DKK4: variants seen among roughly 807,000 people sequenced by gnomAD.
The protein encoded by DKK4 is dickkopf-related protein 4.
DKK4 carries 15 observed loss-of-function variants against 14.5 expected under a neutral mutation model. The observed-to-expected ratio is 1.03, with a 90% confidence interval of 0.69 to 1.59. The LOEUF is 1.59. Among genes scored for constraint, DKK4 ranks in the 40% most tolerant of loss-of-function variants. The probability of loss-of-function intolerance (pLI) is 0.00; values close to 1 mark genes in which losing one functional copy is unlikely to be tolerated. For synonymous variants in DKK4, 89 were observed against 105.2 expected, an observed-to-expected ratio of 0.85 and a Z score of 0.94; for missense variants, 272 against 280.3, an observed-to-expected ratio of 0.97 and a Z score of 0.21.
the DKK4 span, among the ~76,000 whole-genome samples, chr8:42,382,324 A>C: frequency 6.6e-6 from 1 of 152,344 alleles, no homozygotes; most frequent in East Asian, 1.9e-4. Context: ...AATGCCAACA[A>C]CTGAAATGAG....
chr8:42,375,788 A>C lies in DKK4; in HGVS notation c.154T>G (p.Phe52Val), dbSNP rs1824549119. 1 of 1,614,044 alleles carries C rather than the reference A, an allele frequency of 6.2e-7. No individual in the cohort carries two copies. Residue 52 changes from phenylalanine (F) to valine (V), a missense_variant, in exon 2 of 4, where the codon TTC (phenylalanine) becomes GTC (valine). Physicochemically the swap from Phe to Val is conservative, Grantham distance 50. Coordinates refer to ENST00000220812, the MANE Select transcript of DKK4 (RefSeq NM_014420.3). ...LSDTDCNTRK[F>V]CLQPRDEKPF... is the part of the protein sequence containing the mutation. ...TTCTCATCGCGGGGCTGGAGGCAGA[A>C]CTTTCTGGTATTGCAGTCCGTGTCA... is the stretch of plus-strand genomic sequence containing the variant.
At chr8:42,387,598 G>A in the DKK4 span, among the ~76,000 whole-genome samples, 1 of 152,066 alleles carries the variant, frequency 6.6e-6, no homozygotes, top group African/African-American at 2.4e-5. Flanking sequence ...GACCTCAGGT[G>A]ATCCACCTGC....
chr8:42,374,159 A>G lies in DKK4; in HGVS notation c.616T>C (p.Leu206=), dbSNP rs773918845. The G allele has an allele frequency of 4.1e-5, 66 of 1,613,260 alleles. No individual in the cohort carries two copies. Among genetic ancestry groups the G allele is most frequent in the African/African-American group, 6.7e-5 (5 of 74,870 alleles). The change falls in exon 4 of 4, where the codon TTG becomes CTG. Residue 206 remains leucine, a synonymous_variant. Transcript: ENST00000220812. ...CGAGCATGCTGCCGATTGCTGGTCA[A>G]TTGGCTTCGACACAGTAGTCCAGGG... ...CGPGLLCRSQ[L]TSNRQHARLR...
At position 42,376,948 on chromosome 8, in the gene DKK4, T is replaced by C. The variant is rs866399390; in HGVS notation, c.98A>G (p.His33Arg). 6.2e-7 allele frequency: 1 copy of C among 1,613,722 alleles called. No homozygotes were observed. Among genetic ancestry groups the C allele is most frequent in the Non-Finnish European group, 8.5e-7 (1 of 1,179,970 alleles). The stretch of plus-strand genomic sequence containing the variant: ...TAGCAGCCTTACCTTCCGGGCCCCA[T>C]GCAGGTCAGCAGAGCTCCTGATGTT... ...FNNIRSSADLHGARKGSQCLS... is the reference protein window; with the variant it reads ...FNNIRSSADLRGARKGSQCLS... The change falls in exon 1 of 4, where the codon CAT becomes CGT. Residue 33 changes from histidine to arginine, a missense_variant. Transcript: ENST00000220812.
chr8:42,374,850 C>T lies in DKK4; in HGVS notation c.326G>A (p.Gly109Asp), dbSNP rs775494268. The change falls in exon 3 of 4, where the codon GGC becomes GAC. Residue 109 changes from glycine to aspartate, a missense_variant. Gly to Asp is a moderately conservative substitution (Grantham distance 94, BLOSUM62 -1). Transcript: ENST00000220812. ...ILERQLDEQD[G>D]THAEGTTGHP... ...CCCAGTTGTTCCTTCTGCATGTGTG[C>T]CATCTTGCTCATCAAGCTGCCTTTC... 25 of 1,614,022 alleles carry T rather than the reference C, an allele frequency of 1.5e-5. No homozygotes were observed. In the African/African-American group the frequency reaches 3.2e-4, roughly 21 times the overall value.
At chr8:42,384,829 C>T in the DKK4 span, among the ~76,000 whole-genome samples, 1 of 152,210 alleles carries the variant, frequency 6.6e-6, no homozygotes, top group African/African-American at 2.4e-5. Context: ...ATGTCACTAA[C>T]TGACGTCTAT....
the DKK4 span, among the ~76,000 whole-genome samples, chr8:42,383,042 T>C: frequency 1.3e-5 from 2 of 152,244 alleles, no homozygotes. Flanking sequence ...TAAGTTTTGC[T>C]TTCCTTAAAA....
chr8:42,389,783 G>C, the DKK4 span, among the ~76,000 whole-genome samples: 2 of 151,924 alleles, frequency 1.3e-5, no homozygotes, highest in Non-Finnish European at 2.9e-5. Context: ...TTTTTTTCTG[G>C]ATCATTTGAG....
intron 2 of DKK4, among the ~76,000 whole-genome samples, chr8:42,375,443 G>A (rs1310793998): frequency 2.0e-5 from 3 of 151,674 alleles, no homozygotes; most frequent in Non-Finnish European, 4.4e-5. Context: ...TCCAGAGGCT[G>A]AGGCAGGAGA....
upstream of DKK4, among the ~76,000 whole-genome samples, chr8:42,380,290 A>G (rs1051939422): frequency 6.6e-6 from 1 of 151,816 alleles, no homozygotes; most frequent in African/African-American, 2.4e-5. Context: ...CTATCCCTGC[A>G]CTCAAGCCTG....
chr8:42,377,324 C>T (rs1824584770), upstream of DKK4: 2 of 390,968 alleles, frequency 5.1e-6, no homozygotes, highest in South Asian at 1.0e-4. Context: ...CAACAAATCC[C>T]TTCAAATCTG....
At chr8:42,375,619 G>A (rs996036779) in intron 2 of DKK4, 61 bp downstream of exon 2, 2 of 1,598,504 alleles carry the variant, frequency 1.3e-6, no homozygotes, top group Non-Finnish European at 1.7e-6. Context: ...GAATATTCTA[G>A]TCTATGGGGC....
chr8:42,375,270 G>T (rs559424346), intron 2 of DKK4, among the ~76,000 whole-genome samples: 2 of 152,314 alleles, frequency 1.3e-5, no homozygotes, highest in East Asian at 3.9e-4. Context: ...GCCGGGTCCG[G>T]TGGCTTACGC....
the DKK4 span, among the ~76,000 whole-genome samples, chr8:42,383,284 T>A: frequency 5.3e-4 from 81 of 152,322 alleles, no homozygotes; most frequent in African/African-American, 1.8e-3. Flanking sequence ...ACAGGGGGGA[T>A]GCCAGGGTGG....
At chr8:42,387,483 G>C in the DKK4 span, among the ~76,000 whole-genome samples, 1 of 149,912 alleles carries the variant, frequency 6.7e-6, no homozygotes, top group African/African-American at 2.5e-5. Flanking sequence ...TCAGCCTCCT[G>C]AGTAGCTGGG....
At position 42,375,695 on chromosome 8, in the gene DKK4, T is replaced by A; in HGVS notation, c.247A>T (p.Thr83Ser). 1 of 1,613,508 alleles carries A rather than the reference T, an allele frequency of 6.2e-7. No homozygotes were observed. Among genetic ancestry groups the A allele is most frequent in the Non-Finnish European group, 8.5e-7 (1 of 1,180,024 alleles). Residue 83 changes from threonine to serine, a missense_variant, in exon 2 of 4, where the codon ACA becomes TCA. By Grantham distance (58) the Thr-to-Ser change is moderately conservative. Coordinates refer to ENST00000220812, the MANE Select transcript of DKK4 (RefSeq NM_014420.3). ...TGTCGCTCACCGTTCACACAGAGTG[T>A]CCCAGGGCAGCACATGGCATCTCGC... is the stretch of plus-strand genomic sequence containing the variant. ...CQRDAMCCPGTLCVNDVCTTM... is the reference protein window; with the variant it reads ...CQRDAMCCPGSLCVNDVCTTM...
chr8:42,387,841 C>A, the DKK4 span, among the ~76,000 whole-genome samples: 1 of 152,036 alleles, frequency 6.6e-6, no homozygotes, highest in African/African-American at 2.4e-5. Flanking sequence ...GTTGTCAGGT[C>A]CTTTCAGAAG....
chr8:42,376,994 C>A lies in DKK4; in HGVS notation c.52G>T (p.Ala18Ser). ...GLSWLCSPLG[A>S]LVLDFNNIRS... ...ATGTTGTTGAAGTCCAGGACCAGAG[C>A]TCCCAGGGGAGAGCAGAGCCAGCTC... Residue 18 changes from alanine to serine, a missense_variant, in exon 1 of 4, where the codon GCT becomes TCT. Ala to Ser is a moderately conservative substitution (Grantham distance 99). Coordinates refer to ENST00000220812, the MANE Select transcript of DKK4 (RefSeq NM_014420.3). The A allele has an allele frequency of 6.2e-7, 1 of 1,613,784 alleles. No homozygotes were observed. The highest frequency in any genetic ancestry group is 1.1e-5 in the South Asian group (1 of 91,078).
At chr8:42,381,442 G>C (rs182040840), upstream of DKK4, among the ~76,000 whole-genome samples, 13 of 152,324 alleles carry the variant, frequency 8.5e-5, no homozygotes, top group Non-Finnish European at 1.5e-5. Flanking sequence ...GAGAGACAGA[G>C]AGGAGTGGGT....
Sources: allele counts gnomAD v4.1 joint callset (sites outside exome capture counted in the v4.1 genomes callset), GRCh38; gene constraint gnomAD v4.1.1; transcripts MANE v1.5; gene names NCBI Gene and HGNC (gene_info 2026-07-23, HGNC 2026-07-21).